The following CNOT6L variants were observed in gnomAD, a reference collection of about 807,000 sequenced individuals.
CNOT6L encodes the protein CCR4-NOT transcription complex subunit 6 like, also known as CCR4-NOT transcription complex subunit 6-like.
CNOT6L carries 7 observed loss-of-function variants against 64.0 expected under a neutral mutation model. That is an observed-to-expected ratio of 0.11 (90% CI 0.06 to 0.21). CNOT6L has a LOEUF of 0.21. Ranked by LOEUF, CNOT6L falls within the 10% of genes least tolerant of loss-of-function variation. CNOT6L has a pLI of 1.00. For missense variants in CNOT6L, 245 were observed against 669.0 expected, an observed-to-expected ratio of 0.37 and a Z score of 6.99; for synonymous variants, 193 against 243.4, an observed-to-expected ratio of 0.79 and a Z score of 1.93.
intron 1 of CNOT6L, among the ~76,000 whole-genome samples, chr4:77,811,171 C>T (rs1732887490): frequency 6.6e-6 from 1 of 152,196 alleles, no homozygotes; most frequent in African/African-American, 2.4e-5. Flanking sequence ...GATACTTCCA[C>T]TGCTCAAAAA....
At chr4:77,819,441 A>G, upstream of CNOT6L, 5 of 1,574,962 alleles carry the variant, frequency 3.2e-6, no homozygotes, top group Non-Finnish European at 4.3e-6. Flanking sequence ...GCAGACGCAG[A>G]CGCAAACACA....
chr4:77,768,130 T>C (rs1727076658), intron 4 of CNOT6L, among the ~76,000 whole-genome samples: 1 of 151,952 alleles, frequency 6.6e-6, no homozygotes, highest in African/African-American at 2.4e-5. Context: ...ACAAATGTAC[T>C]AACTACAAGA....
intron 11 of CNOT6L, among the ~76,000 whole-genome samples, chr4:77,722,770 T>C (rs1443025438): frequency 7.9e-5 from 12 of 152,194 alleles, no homozygotes. Flanking sequence ...CCAACATATT[T>C]GTACATATGC....
At chr4:77,773,831 A>C (rs1159712683) in intron 3 of CNOT6L, among the ~76,000 whole-genome samples, 2 of 152,178 alleles carry the variant, frequency 1.3e-5, no homozygotes, top group Non-Finnish European at 2.9e-5. Flanking sequence ...CAAGAATAGG[A>C]TAGCATAAAT....
At chr4:77,748,434 T>G in intron 5 of CNOT6L, 50 bp from the exon 6 acceptor site, 1 of 1,175,468 alleles carries the variant, frequency 8.5e-7, no homozygotes, top group Non-Finnish European at 1.3e-6. Context: ...TTCTGAAATC[T>G]GAAATGTGTT....
chr4:77,786,966 G>A (rs1729519228), intron 1 of CNOT6L, among the ~76,000 whole-genome samples: 1 of 151,886 alleles, frequency 6.6e-6, no homozygotes, highest in Non-Finnish European at 1.5e-5. Flanking sequence ...CCATCCATAA[G>A]AGTCTAATAA....
chr4:77,763,363 G>C (rs1726456106), intron 4 of CNOT6L, among the ~76,000 whole-genome samples: 1 of 152,002 alleles, frequency 6.6e-6, no homozygotes, highest in Non-Finnish European at 1.5e-5. Flanking sequence ...AATTGGCATA[G>C]CTATATTAGA....
At position 77,713,548 on chromosome 4, in the gene CNOT6L, T is replaced by C. The variant is rs549818175; in HGVS notation, c.*6883A>G. On this transcript the variant is annotated 3_prime_UTR_variant, in exon 12 of 12. Coordinates refer to ENST00000504123, the MANE Select transcript of CNOT6L (RefSeq NM_144571.3). ...GAAAAAAATATTTTGTTATCTGACA[T>C]AGTAGTTAAGGTTCTTAAGCACCTC... 14 of 152,736 alleles carry C rather than the reference T, an allele frequency of 9.2e-5. No homozygotes were observed. The highest frequency in any genetic ancestry group is 7.8e-4 in the Admixed American group (12 of 15,288). 9.5% of individuals were successfully genotyped at this position (152,736 alleles called of 1,614,324 possible).
intron 1 of CNOT6L, among the ~76,000 whole-genome samples, chr4:77,786,024 T>C (rs1326977499): frequency 6.6e-6 from 1 of 152,184 alleles, no homozygotes; most frequent in African/African-American, 2.4e-5. Context: ...CTCATGCCTG[T>C]AATCCCAGCA....
At chr4:77,789,945 C>CAAAAAAAA (rs58242121) in intron 1 of CNOT6L, among the ~76,000 whole-genome samples, 3 of 83,306 alleles carry the variant, frequency 3.6e-5, no homozygotes, top group African/African-American at 9.7e-5. Flanking sequence ...GACACTGTCT[C>CAAAAAAAA]AAAAAAAAAA....
At chr4:77,779,082 A>C (rs1191435931) in intron 1 of CNOT6L, among the ~76,000 whole-genome samples, 1 of 150,552 alleles carries the variant, frequency 6.6e-6, no homozygotes, top group Non-Finnish European at 1.5e-5. Context: ...AACACAAAAA[A>C]CACACAGGCA....
At chr4:77,732,585 C>T (rs1422581246) in intron 8 of CNOT6L, among the ~76,000 whole-genome samples, 1 of 152,054 alleles carries the variant, frequency 6.6e-6, no homozygotes, top group African/African-American at 2.4e-5. Flanking sequence ...CAATTCTGAA[C>T]GTGTCAGCTG....
intron 1 of CNOT6L, among the ~76,000 whole-genome samples, chr4:77,814,101 G>A (rs907872601): frequency 3.3e-5 from 5 of 152,028 alleles, no homozygotes; most frequent in South Asian, 2.1e-4. Flanking sequence ...GTGAAAACAC[G>A]GTAAGTGAAA....
chr4:77,815,415 G>C (rs1296138649), intron 1 of CNOT6L, among the ~76,000 whole-genome samples: 1 of 152,072 alleles, frequency 6.6e-6, no homozygotes, highest in African/African-American at 2.4e-5. Context: ...TCAGTGATGA[G>C]AGCTTCCCCC....
In CNOT6L at chr4:77,798,534, G is replaced by GA. The variant is rs531035291; in HGVS notation, c.5+20769dup. ...AAGATGCTTTAGTCATTAGAGAAGT[G>GA]AAAATTAAACCACAATGAGATTCTA... On this transcript the variant is annotated intron_variant, in intron 1 of 11. Coordinates refer to ENST00000504123, the MANE Select transcript of CNOT6L (RefSeq NM_144571.3). 2.7e-3 allele frequency among the ~76,000 whole-genome samples: 410 copies of GA among 152,222 alleles called. 1 individual carries two copies. Among genetic ancestry groups the GA allele is most frequent in the Admixed American group, 5.3e-3 (81 of 15,288 alleles).
chr4:77,802,909 T>G (rs1731756062), intron 1 of CNOT6L, among the ~76,000 whole-genome samples: 1 of 152,072 alleles, frequency 6.6e-6, no homozygotes, highest in Admixed American at 6.6e-5. Flanking sequence ...GCGGAGAAAA[T>G]ATTTTATAAT....
At position 77,776,299 on chromosome 4, in the gene CNOT6L, T is replaced by C. The variant is rs200743940; in HGVS notation, c.99A>G (p.Lys33=). The C allele has an allele frequency of 9.9e-6, 16 of 1,611,622 alleles. No homozygotes were observed. In the African/African-American group the frequency reaches 1.9e-4, roughly 19 times the overall value. ...AGATTTCTAATTCTGCCCAGTGAGA[T>C]TTTTTCCCATTGGCTACCTCCTCTG... The part of the protein sequence containing the change: ...MSAEEVANGK[K]SHWAELEISG... Residue 33 remains lysine, a synonymous_variant, in exon 2 of 12, where the codon AAA becomes AAG. Transcript: ENST00000504123.
chr4:77,757,543 T>C (rs750302690), intron 4 of CNOT6L, among the ~76,000 whole-genome samples: 2 of 152,164 alleles, frequency 1.3e-5, no homozygotes, highest in African/African-American at 2.4e-5. Context: ...ACAGACTATA[T>C]AGTCCCTTAA....
At chr4:77,811,542 G>A (rs949121895) in intron 1 of CNOT6L, among the ~76,000 whole-genome samples, 4 of 152,012 alleles carry the variant, frequency 2.6e-5, no homozygotes, top group South Asian at 2.1e-4. Flanking sequence ...GCAAGACTCC[G>A]TCTCAAAACA....
Sources: gnomAD v4.1 joint callset for allele counts (sites outside exome capture counted in the v4.1 genomes callset) on GRCh38, gnomAD v4.1.1 for gene constraint, MANE v1.5 for transcripts, NCBI Gene and HGNC (gene_info 2026-07-23, HGNC 2026-07-21) for gene names.